MAPKAP1: variants seen among roughly 807,000 people sequenced by gnomAD.
MAPKAP1 encodes the protein target of rapamycin complex 2 subunit MAPKAP1.
A neutral mutation model predicts 65.7 loss-of-function variants in MAPKAP1; 20 were observed. The ratio of observed to expected loss-of-function variants is 0.30; its 90% CI spans 0.21 to 0.44. MAPKAP1 has a LOEUF of 0.44. Ranked by LOEUF, MAPKAP1 falls within the 20% of genes least tolerant of loss-of-function variation. The probability of loss-of-function intolerance (pLI) is 1.00; values close to 1 mark genes in which losing one functional copy is unlikely to be tolerated. For missense variants in MAPKAP1, 423 were observed against 648.0 expected (o/e 0.65, Z 3.77); for synonymous variants, 222 against 244.3 (o/e 0.91, Z 0.85).
intron 8 of MAPKAP1, among the ~76,000 whole-genome samples, chr9:125,498,477 C>T (rs1828872735): frequency 6.6e-6 from 1 of 152,054 alleles, no homozygotes; most frequent in Admixed American, 6.6e-5. Context: ...AAAGCATTTG[C>T]AAAATGTCTA....
At chr9:125,702,928 G>A (rs1426288140) in intron 1 of MAPKAP1, among the ~76,000 whole-genome samples, 1 of 152,284 alleles carries the variant, frequency 6.6e-6, no homozygotes, top group East Asian at 1.9e-4. Context: ...GGAGGCAGAG[G>A]TGGGAGGATC....
chr9:125,551,398 T>C (rs1268669519), intron 6 of MAPKAP1, among the ~76,000 whole-genome samples: 1 of 152,074 alleles, frequency 6.6e-6, no homozygotes, highest in African/African-American at 2.4e-5. Flanking sequence ...AGCTCATCGT[T>C]CCCTTTCTGC....
At chr9:125,611,984 A>G (rs1832613524) in intron 4 of MAPKAP1, among the ~76,000 whole-genome samples, 1 of 152,170 alleles carries the variant, frequency 6.6e-6, no homozygotes, top group Non-Finnish European at 1.5e-5. Context: ...AGTGTTTCAT[A>G]TTTAAGATTC....
chr9:125,540,444 G>C (rs1830209012), intron 7 of MAPKAP1, among the ~76,000 whole-genome samples: 1 of 152,246 alleles, frequency 6.6e-6, no homozygotes, highest in African/African-American at 2.4e-5. Context: ...CTGAAATCTT[G>C]TTGTAGCACA....
intron 7 of MAPKAP1, among the ~76,000 whole-genome samples, chr9:125,520,225 T>C (rs113817557): frequency 0.031 from 4,791 of 152,276 alleles, 128 homozygotes; most frequent in African/African-American, 0.07. Context: ...AAGTAAAACG[T>C]GTAAGTAGAA....
At chr9:125,660,608 A>C (rs1164325540) in intron 3 of MAPKAP1, among the ~76,000 whole-genome samples, 1 of 152,134 alleles carries the variant, frequency 6.6e-6, no homozygotes, top group African/African-American at 2.4e-5. Flanking sequence ...ATCCATAACC[A>C]AACTCTTGAT....
intron 7 of MAPKAP1, among the ~76,000 whole-genome samples, chr9:125,532,725 G>A (rs1473503296): frequency 1.3e-5 from 2 of 152,190 alleles, no homozygotes; most frequent in Non-Finnish European, 2.9e-5. Flanking sequence ...TGTTCATAAT[G>A]CTGCCAGGCG....
intron 10 of MAPKAP1, among the ~76,000 whole-genome samples, chr9:125,452,639 G>A (rs1852997244): frequency 1.3e-5 from 2 of 152,132 alleles, no homozygotes; most frequent in Non-Finnish European, 1.5e-5. Context: ...AATTCGGCCA[G>A]GTGTGGTGGC....
At chr9:125,685,931 A>G (rs1834960670) in intron 1 of MAPKAP1, among the ~76,000 whole-genome samples, 1 of 152,232 alleles carries the variant, frequency 6.6e-6, no homozygotes, top group South Asian at 2.1e-4. Flanking sequence ...TCCTTCTATC[A>G]GCTCCTCAGC....
chr9:125,528,986 G>A (rs914179800), intron 7 of MAPKAP1, among the ~76,000 whole-genome samples: 6 of 151,182 alleles, frequency 4.0e-5, no homozygotes, highest in Non-Finnish European at 4.4e-5. Flanking sequence ...CCAACATGGC[G>A]AAAACCCCTG....
intron 7 of MAPKAP1, among the ~76,000 whole-genome samples, chr9:125,509,338 A>C (rs1829235270): frequency 2.0e-5 from 3 of 152,248 alleles, no homozygotes; most frequent in Admixed American, 2.0e-4. Flanking sequence ...TTATTCCTAA[A>C]ATGTGAATAG....
intron 4 of MAPKAP1, among the ~76,000 whole-genome samples, chr9:125,639,068 G>A (rs867405888): frequency 3.3e-5 from 5 of 152,098 alleles, no homozygotes; most frequent in African/African-American, 9.7e-5. Flanking sequence ...GTGAAACCTC[G>A]TCTCTACCAA....
intron 4 of MAPKAP1, among the ~76,000 whole-genome samples, chr9:125,588,895 A>ACTAACACC (rs1308084760): frequency 2.0e-5 from 3 of 152,182 alleles, no homozygotes; most frequent in Non-Finnish European, 4.4e-5. Flanking sequence ...TGCTCATCAG[A>ACTAACACC]CTTCGGCTAT....
chr9:125,665,693 C>A (rs559999171), intron 3 of MAPKAP1, among the ~76,000 whole-genome samples: 1 of 151,496 alleles, frequency 6.6e-6, no homozygotes, highest in Non-Finnish European at 1.5e-5. Context: ...TCTACTAAAT[C>A]AAGAATTCCA....
chr9:125,468,215 G>A (rs1853754520), intron 9 of MAPKAP1, 106 bp from the exon 10 acceptor site: 8 of 1,217,434 alleles, frequency 6.6e-6, no homozygotes, highest in South Asian at 5.7e-5. Flanking sequence ...TTGCATGAAC[G>A]TGAGCTCTTT....
chr9:125,669,912 A>G lies in MAPKAP1; in HGVS notation c.260-5T>C. The G allele has an allele frequency of 6.8e-7, 1 of 1,477,888 alleles. No individual in the cohort carries two copies. 91.5% of individuals were successfully genotyped at this position (1,477,888 alleles called of 1,614,324 possible). On this transcript the variant is annotated splice_region_variant and splice_polypyrimidine_tract_variant and intron_variant, in intron 2 of 11. Coordinates refer to ENST00000265960, the MANE Select transcript of MAPKAP1 (RefSeq NM_001006617.3). ...GGAGTCGTTCTAATCTTTGAGCTTG[A>G]AAAGAAATATTATAACTGTAAGTTT... is the stretch of plus-strand genomic sequence containing the variant.
intron 4 of MAPKAP1, chr9:125,652,380 A>T: frequency 5.4e-6 from 3 of 557,602 alleles, no homozygotes; most frequent in Non-Finnish European, 7.1e-6. Flanking sequence ...TTCAGGCTCG[A>T]CATTGTGGAA....
chr9:125,558,520 C>T (rs186511818), intron 6 of MAPKAP1, among the ~76,000 whole-genome samples: 13 of 152,248 alleles, frequency 8.5e-5, no homozygotes, highest in Non-Finnish European at 1.8e-4. Context: ...TAGCATAACC[C>T]TATTTTCTGT....
chr9:125,659,774 T>C (rs1269915601), intron 3 of MAPKAP1, among the ~76,000 whole-genome samples: 1 of 151,592 alleles, frequency 6.6e-6, no homozygotes, highest in Non-Finnish European at 1.5e-5. Context: ...GTTACTACCA[T>C]ATTTTTCTGC....
Sources: allele counts gnomAD v4.1 joint callset (sites outside exome capture counted in the v4.1 genomes callset), GRCh38; gene constraint gnomAD v4.1.1; transcripts MANE v1.5; gene names NCBI Gene and HGNC (gene_info 2026-07-23, HGNC 2026-07-21).